KCNK2: variants seen among roughly 807,000 people sequenced by gnomAD.
KCNK2 encodes potassium channel subfamily K member 2.
KCNK2 carries 21 observed loss-of-function variants against 40.5 expected under a neutral mutation model. That is an observed-to-expected ratio of 0.52 (90% confidence interval 0.37 to 0.75). The LOEUF is 0.75. Among genes scored for constraint, KCNK2 ranks in the 30% least tolerant of loss-of-function variants. KCNK2 has a pLI of 0.00. For missense variants in KCNK2, 399 were observed against 531.6 expected (o/e 0.75, Z 2.45); for synonymous variants, 191 against 202.2 (o/e 0.94, Z 0.47).
At chr1:215,063,027 G>A (rs1342901847) in intron 1 of KCNK2, among the ~76,000 whole-genome samples, 1 of 152,166 alleles carries the variant, frequency 6.6e-6, no homozygotes, top group South Asian at 2.1e-4. Flanking sequence ...AGGAAAAACA[G>A]GGAAAGCAAT....
At chr1:215,065,999 G>A (rs370768590) in intron 1 of KCNK2, among the ~76,000 whole-genome samples, 1 of 152,082 alleles carries the variant, frequency 6.6e-6, no homozygotes, top group African/African-American at 2.4e-5. Flanking sequence ...ATCATTCTCA[G>A]CAAACTATCA....
chr1:215,074,421 C>A (rs7528306), intron 1 of KCNK2, among the ~76,000 whole-genome samples: 21,929 of 152,032 alleles, frequency 0.14, 1,600 homozygotes, highest in Middle Eastern at 0.26. Context: ...TTTTTTATTC[C>A]ATTTATGTCT....
rs147628867 is a variant in KCNK2, at chr1:215,184,502, G to T, written c.824-10451G>T. On this transcript the variant is annotated intron_variant, in intron 5 of 6. Coordinates refer to ENST00000444842, the MANE Select transcript of KCNK2 (RefSeq NM_001017425.3). The stretch of plus-strand genomic sequence containing the variant: ...CTAATAAAGACATACCTGAGACTGG[G>T]TAATTTATAAAGGAAAGAGGTTTAA... Among the ~76,000 whole-genome samples the T allele has an allele frequency of 1.9e-3, 289 of 152,260 alleles. 2 individuals carry two copies. Among genetic ancestry groups the T allele is most frequent in the African/African-American group, 6.7e-3 (278 of 41,556 alleles).
intron 2 of KCNK2, among the ~76,000 whole-genome samples, chr1:215,118,005 G>A: frequency 6.6e-6 from 1 of 152,038 alleles, no homozygotes; most frequent in Non-Finnish European, 1.5e-5. Context: ...AGATATATAT[G>A]TCCAGTAAAT....
intron 1 of KCNK2, among the ~76,000 whole-genome samples, chr1:215,028,251 G>A (rs915188119): frequency 7.2e-5 from 11 of 152,104 alleles, no homozygotes; most frequent in African/African-American, 1.2e-4. Flanking sequence ...GCCGAGCGTG[G>A]TGGCGGGTCT....
chr1:215,096,300 C>T (rs1016422955), intron 2 of KCNK2, among the ~76,000 whole-genome samples: 3 of 151,524 alleles, frequency 2.0e-5, no homozygotes, highest in Non-Finnish European at 4.4e-5. Flanking sequence ...TTTCAATTAC[C>T]ATTGTTAGGG....
intron 1 of KCNK2, among the ~76,000 whole-genome samples, chr1:215,030,592 C>T (rs367651994): frequency 1.1e-4 from 17 of 151,754 alleles, no homozygotes; most frequent in East Asian, 9.7e-4. Flanking sequence ...TGGAGTGTAG[C>T]GGTGTGATCA....
chr1:215,025,258 T>A (rs1468335858), intron 1 of KCNK2, among the ~76,000 whole-genome samples: 1 of 152,090 alleles, frequency 6.6e-6, no homozygotes, highest in Non-Finnish European at 1.5e-5. Flanking sequence ...TAAAAAGTAC[T>A]CTAGAAAAGC....
intron 6 of KCNK2, among the ~76,000 whole-genome samples, chr1:215,200,130 C>A (rs184400792): frequency 6.6e-5 from 10 of 152,272 alleles, no homozygotes; most frequent in Non-Finnish European, 1.0e-4. Context: ...CAAATAGAGG[C>A]TCTCACTTTA....
intron 1 of KCNK2, among the ~76,000 whole-genome samples, chr1:215,059,450 A>C (rs1209429938): frequency 6.6e-6 from 1 of 152,172 alleles, no homozygotes; most frequent in Non-Finnish European, 1.5e-5. Flanking sequence ...AGTAATGAGT[A>C]AAATTTGCTA....
intron 6 of KCNK2, among the ~76,000 whole-genome samples, chr1:215,203,645 A>G (rs1665174206): frequency 6.6e-6 from 1 of 152,170 alleles, no homozygotes. Context: ...AAAAGAAAAG[A>G]TAAACAAACA....
chr1:215,160,745 G>T (rs1337282260), intron 3 of KCNK2, among the ~76,000 whole-genome samples: 3 of 151,962 alleles, frequency 2.0e-5, no homozygotes, highest in African/African-American at 7.3e-5. Context: ...GGTGTTTTTT[G>T]GAATGTTGTC....
intron 6 of KCNK2, among the ~76,000 whole-genome samples, chr1:215,217,859 G>T (rs1666020028): frequency 6.6e-6 from 1 of 152,158 alleles, no homozygotes; most frequent in Admixed American, 6.6e-5. Context: ...TTAAAGTTCT[G>T]TTGGGCAGCC....
chr1:215,109,878 C>T (rs573417509), intron 2 of KCNK2, among the ~76,000 whole-genome samples: 1 of 152,160 alleles, frequency 6.6e-6, no homozygotes, highest in African/African-American at 2.4e-5. Context: ...TTCTTGCCAA[C>T]ATCTGTTATT....
chr1:215,154,845 C>T lies in KCNK2; in HGVS notation c.476-14354C>T, dbSNP rs1261339257. ...CCATCTATTGAATAGGCGATCCTTC[C>T]CCATTTCTTTTATTGTCAGATTTGT... is the stretch of plus-strand genomic sequence containing the variant. On this transcript the variant is annotated intron_variant, in intron 3 of 6. Coordinates refer to ENST00000444842, the MANE Select transcript of KCNK2 (RefSeq NM_001017425.3). Among the ~76,000 whole-genome samples, 4 of 152,082 alleles carry T rather than the reference C, an allele frequency of 2.6e-5. No individual in the cohort carries two copies. In the South Asian group the frequency reaches 6.2e-4, roughly 24 times the overall value.
At chr1:215,215,346 A>G (rs1665920418) in intron 6 of KCNK2, among the ~76,000 whole-genome samples, 1 of 152,098 alleles carries the variant, frequency 6.6e-6, no homozygotes, top group African/African-American at 2.4e-5. Context: ...TTGATGTAAT[A>G]CAGGCTTCAT....
intron 5 of KCNK2, among the ~76,000 whole-genome samples, chr1:215,189,858 A>G (rs1430386525): frequency 6.6e-6 from 1 of 152,204 alleles, no homozygotes; most frequent in Non-Finnish European, 1.5e-5. Context: ...TTAAGACAGG[A>G]TAGCTTTAAT....
At chr1:215,215,581 T>C (rs779176843) in intron 6 of KCNK2, among the ~76,000 whole-genome samples, 3 of 152,168 alleles carry the variant, frequency 2.0e-5, no homozygotes, top group Non-Finnish European at 4.4e-5. Context: ...AGTAGATGCT[T>C]TGGACAGCTC....
intron 4 of KCNK2, among the ~76,000 whole-genome samples, chr1:215,169,806 T>C (rs1663618934): frequency 1.3e-5 from 2 of 151,894 alleles, no homozygotes. Flanking sequence ...CCACCATGCC[T>C]GGCTAATTTT....
Sources: allele counts gnomAD v4.1 joint callset (sites outside exome capture counted in the v4.1 genomes callset), GRCh38; gene constraint gnomAD v4.1.1; transcripts MANE v1.5; gene names NCBI Gene and HGNC (gene_info 2026-07-23, HGNC 2026-07-21).